The following TNPO3 variants were observed in gnomAD, a reference collection of about 807,000 sequenced individuals.
TNPO3 encodes the protein transportin-3.
Under a neutral mutation model 122.8 loss-of-function variants are expected in TNPO3, and 65 were observed. The ratio of observed to expected loss-of-function variants is 0.53; its 90% CI spans 0.43 to 0.65. The LOEUF (loss-of-function observed/expected upper bound fraction) is 0.65. Ranked by LOEUF, TNPO3 falls within the 30% of genes least tolerant of loss-of-function variation. The probability of loss-of-function intolerance (pLI) is 0.00; values close to 1 mark genes in which losing one functional copy is unlikely to be tolerated. For synonymous variants in TNPO3, 372 were observed against 411.2 expected, an observed-to-expected ratio of 0.90 and a Z score of 1.15; for missense variants, 850 against 1,136.7, an observed-to-expected ratio of 0.75 and a Z score of 3.63.
At chr7:128,967,739 A>AAC (rs35430377) in intron 20 of TNPO3, among the ~76,000 whole-genome samples, 7,566 of 148,320 alleles carry the variant, frequency 0.051, 254 homozygotes, top group African/African-American at 0.088. Context: ...TGCGAACATG[A>AAC]ACACACACAC....
intron 18 of TNPO3, among the ~76,000 whole-genome samples, chr7:128,973,245 C>CTTGGGAAATGCTGCTGGATT (rs1418247131): frequency 6.6e-6 from 1 of 152,084 alleles, no homozygotes; most frequent in African/African-American, 2.4e-5. Flanking sequence ...TTCAGGTAAG[C>CTTGGGAAATGCTGCTGGATT]TTGGGAAATG....
chr7:129,041,201 T>C (rs1000724206), intron 1 of TNPO3, among the ~76,000 whole-genome samples: 2 of 151,868 alleles, frequency 1.3e-5, no homozygotes, highest in African/African-American at 2.4e-5. Context: ...ATCCTGTCTC[T>C]AAAAAAAATT....
intron 5 of TNPO3, among the ~76,000 whole-genome samples, chr7:129,003,494 C>T (rs986938254): frequency 6.6e-6 from 1 of 151,100 alleles, no homozygotes; most frequent in African/African-American, 2.4e-5. Context: ...AAGAGAAACC[C>T]TGTCTCTAGA....
At chr7:129,007,091 C>G (rs549966611) in intron 4 of TNPO3, among the ~76,000 whole-genome samples, 6 of 152,068 alleles carry the variant, frequency 3.9e-5, no homozygotes, top group Non-Finnish European at 7.4e-5. Flanking sequence ...TTTACTGAGC[C>G]CTTTCTGTGC....
chr7:129,052,155 T>C (rs140004563), intron 1 of TNPO3, among the ~76,000 whole-genome samples: 464 of 152,342 alleles, frequency 3.0e-3, no homozygotes, highest in Middle Eastern at 0.01. Context: ...TCTGCTCCAA[T>C]AGGCTGACCT....
Position 129,001,039 on chromosome 7 carries a change from A to G in TNPO3, c.872+20T>C. 6.2e-7 allele frequency: 1 copy of G among 1,611,294 alleles called. No homozygotes were observed. Among genetic ancestry groups the G allele is most frequent in the East Asian group, 2.2e-5 (1 of 44,796 alleles). On this transcript the variant is annotated intron_variant, in intron 6 of 22. Coordinates refer to ENST00000265388, the MANE Select transcript of TNPO3 (RefSeq NM_012470.4). The stretch of plus-strand genomic sequence containing the variant: ...AGACTGTAGGTAAACCCAGGGCTCC[A>G]GACTTAAACAATTACTCACTTGTCT...
At chr7:129,001,787 G>A (rs542168430) in intron 5 of TNPO3, among the ~76,000 whole-genome samples, 33 of 152,178 alleles carry the variant, frequency 2.2e-4, no homozygotes, top group Non-Finnish European at 1.3e-4. Context: ...TTTCTGTCCC[G>A]AAGTCATGGT....
chr7:129,017,903 C>A, intron 2 of TNPO3, 54 bp downstream of exon 2: 1 of 1,559,496 alleles, frequency 6.4e-7, no homozygotes, highest in Non-Finnish European at 8.8e-7. Context: ...TAAAACAATC[C>A]TGATAAATCC....
intron 12 of TNPO3, 131 bp from the exon 13 acceptor site, chr7:128,984,390 T>G (rs915301332): frequency 3.8e-6 from 2 of 525,256 alleles, no homozygotes; most frequent in Admixed American, 7.2e-5. Context: ...TCAGCATTGT[T>G]TTTTAAAATG....
chr7:129,025,409 C>G (rs563232169), intron 1 of TNPO3, among the ~76,000 whole-genome samples: 1 of 114,284 alleles, frequency 8.8e-6, no homozygotes, highest in Admixed American at 1.1e-4. Flanking sequence ...CAGCTGGACT[C>G]AACTATGAAG....
At chr7:129,018,908 G>A (rs761323175) in intron 1 of TNPO3, among the ~76,000 whole-genome samples, 3 of 152,040 alleles carry the variant, frequency 2.0e-5, no homozygotes, top group Admixed American at 6.5e-5. Flanking sequence ...TAGTAGAGGC[G>A]AGGTTTCACC....
Position 128,972,460 on chromosome 7 carries a change from A to G in TNPO3, c.2396T>C (p.Leu799Pro), listed in dbSNP as rs1798588586. ...TACCCCTGTATGAATGAGGTCTCGT[A>G]GAAACCTCATGACACTACAATTGGC... ...RDANCSVMRF[L>P]RDLIHTGVAN... The change falls in exon 19 of 23, where the codon CTA (leucine) becomes CCA (proline). Residue 799 changes from leucine (L) to proline (P), a missense_variant. Leu to Pro is a moderately conservative substitution (Grantham distance 98). Transcript: ENST00000265388. 6.2e-7 allele frequency: 1 copy of G among 1,613,962 alleles called. No individual in the cohort carries two copies. The highest frequency in any genetic ancestry group is 8.5e-7 in the Non-Finnish European group (1 of 1,179,976).
At chr7:129,038,687 T>C (rs960990887) in intron 1 of TNPO3, among the ~76,000 whole-genome samples, 1 of 152,204 alleles carries the variant, frequency 6.6e-6, no homozygotes, top group Non-Finnish European at 1.5e-5. Flanking sequence ...TGCAGGAACA[T>C]GGATGGCGCT....
chr7:129,050,381 CAA>C (rs35638855), intron 1 of TNPO3, among the ~76,000 whole-genome samples: 1 of 35,950 alleles, frequency 2.8e-5, no homozygotes. Context: ...GACTCTGTCT[CAA>C]AAAAAAAAAA....
Position 129,010,350 on chromosome 7 carries a change from T to C in TNPO3, c.552+4629A>G, listed in dbSNP as rs372781729. 2.6e-5 allele frequency among the ~76,000 whole-genome samples: 4 copies of C among 152,210 alleles called. No homozygotes were observed. The East Asian group carries it at 7.7e-4, about 29-fold the overall frequency. ...GCTTGGTTAATGTATTATTTTTTTT[T>C]TGAGACAGGCTCTTGCTATGTTGCC... On this transcript the variant is annotated intron_variant, in intron 4 of 22. Transcript: ENST00000265388.
At chr7:129,043,923 T>G (rs867474143) in intron 1 of TNPO3, among the ~76,000 whole-genome samples, 1 of 152,250 alleles carries the variant, frequency 6.6e-6, no homozygotes, top group African/African-American at 2.4e-5. Flanking sequence ...ATTTATCTTC[T>G]TTCAACACTG....
At chr7:129,036,331 C>T (rs1806676463) in intron 1 of TNPO3, among the ~76,000 whole-genome samples, 2 of 152,122 alleles carry the variant, frequency 1.3e-5, no homozygotes, top group South Asian at 2.1e-4. Context: ...ACCCTCCCAC[C>T]TCAGCCTCCT....
chr7:129,025,279 G>A (rs928265394), intron 1 of TNPO3, among the ~76,000 whole-genome samples: 1 of 135,348 alleles, frequency 7.4e-6, no homozygotes, highest in Admixed American at 8.4e-5. Flanking sequence ...GAACCCGGGA[G>A]GCAGAAGTTG....
chr7:129,039,685 A>G (rs1039972106), intron 1 of TNPO3, among the ~76,000 whole-genome samples: 3 of 152,252 alleles, frequency 2.0e-5, no homozygotes, highest in African/African-American at 7.2e-5. Flanking sequence ...ATGTCCACTG[A>G]CCAATGAATG....
Sources: gnomAD v4.1 joint callset for allele counts (sites outside exome capture counted in the v4.1 genomes callset) on GRCh38, gnomAD v4.1.1 for gene constraint, MANE v1.5 for transcripts, NCBI Gene and HGNC (gene_info 2026-07-23, HGNC 2026-07-21) for gene names.